EBF1: variants seen among roughly 807,000 people sequenced by gnomAD.
EBF1 encodes the protein EBF transcription factor 1, also known as transcription factor COE1.
In EBF1, 10 loss-of-function variants were observed where a neutral mutation model predicts 68.4. The ratio of observed to expected loss-of-function variants is 0.15; its 90% CI spans 0.09 to 0.25. EBF1 has a LOEUF of 0.25. Ranked by LOEUF, EBF1 falls within the 10% of genes least tolerant of loss-of-function variation. The pLI is 1.00. For missense variants in EBF1, 509 were observed against 794.4 expected, an observed-to-expected ratio of 0.64 and a Z score of 4.32; for synonymous variants, 298 against 299.8, an observed-to-expected ratio of 0.99 and a Z score of 0.06.
chr5:158,976,707 TGCCATGCCAAAAGCAA>T (rs1259794136), intron 6 of EBF1, among the ~76,000 whole-genome samples: 5 of 152,198 alleles, frequency 3.3e-5, no homozygotes, highest in Admixed American at 3.3e-4. Flanking sequence ...TAATTATAAT[TGCCATGCCAAAAGCAA>T]GCCAGTCAAT....
At chr5:158,804,866 TC>T (rs1781281836) in intron 8 of EBF1, among the ~76,000 whole-genome samples, 2 of 152,120 alleles carry the variant, frequency 1.3e-5, no homozygotes, top group East Asian at 3.9e-4. Context: ...TCTATGACTG[TC>T]AGTCACTCCA....
At chr5:159,015,798 A>G (rs1364027120) in intron 6 of EBF1, among the ~76,000 whole-genome samples, 2 of 152,166 alleles carry the variant, frequency 1.3e-5, no homozygotes, top group Non-Finnish European at 2.9e-5. Context: ...ACACATTTAA[A>G]CGAGTTCCAT....
chr5:158,897,688 C>G (rs1248379503), intron 6 of EBF1, among the ~76,000 whole-genome samples: 1 of 152,112 alleles, frequency 6.6e-6, no homozygotes, highest in African/African-American at 2.4e-5. Flanking sequence ...CCACAAGCAA[C>G]AGAATTTCAT....
intron 8 of EBF1, among the ~76,000 whole-genome samples, chr5:158,819,788 C>A (rs1199599537): frequency 1.3e-5 from 2 of 152,108 alleles, no homozygotes; most frequent in Non-Finnish European, 2.9e-5. Context: ...CCTCACTAGG[C>A]TAAATGGTCC....
chr5:158,804,942 G>T (rs545961936), intron 8 of EBF1, among the ~76,000 whole-genome samples: 55 of 152,218 alleles, frequency 3.6e-4, no homozygotes, highest in African/African-American at 1.2e-3. Context: ...ATTATTCATG[G>T]ATCCAATTGT....
At chr5:158,770,061 C>T (rs536768638) in intron 10 of EBF1, among the ~76,000 whole-genome samples, 26 of 152,196 alleles carry the variant, frequency 1.7e-4, no homozygotes, top group African/African-American at 6.0e-4. Flanking sequence ...GTCTTTATAA[C>T]AATTAACATA....
intron 8 of EBF1, among the ~76,000 whole-genome samples, chr5:158,801,509 T>C (rs1444552183): frequency 6.6e-6 from 1 of 152,064 alleles, no homozygotes; most frequent in Non-Finnish European, 1.5e-5. Context: ...GGACAAGCGA[T>C]AAAAATCTAA....
intron 10 of EBF1, among the ~76,000 whole-genome samples, chr5:158,741,575 TAAAA>T (rs79547768): frequency 1.5e-5 from 2 of 129,148 alleles, no homozygotes. Flanking sequence ...ACCCTGTCTT[TAAAA>T]AAAAAAAAAA....
At position 158,989,758 on chromosome 5, in the gene EBF1, C is replaced by T. The variant is rs578001573; in HGVS notation, c.554+83638G>A. Reference sequence around the variant, plus strand: ...CCATTCATTCATGTGTTCATTCATTCAAGACATATTAATTTATTATAACAG... The same window carrying T: ...CCATTCATTCATGTGTTCATTCATTTAAGACATATTAATTTATTATAACAG... On this transcript the variant is annotated intron_variant, in intron 6 of 15. Coordinates refer to ENST00000313708, the MANE Select transcript of EBF1 (RefSeq NM_024007.5). Among the ~76,000 whole-genome samples, 9 of 152,268 alleles carry T rather than the reference C, an allele frequency of 5.9e-5. No individual in the cohort carries two copies. In the South Asian group the frequency reaches 1.9e-3, roughly 32 times the overall value.
intron 4 of EBF1, among the ~76,000 whole-genome samples, chr5:159,092,617 T>C (rs1204728648): frequency 1.3e-5 from 2 of 152,202 alleles, no homozygotes; most frequent in African/African-American, 4.8e-5. Context: ...TTTATGGAAA[T>C]GTAGAATGCA....
chr5:158,985,607 T>C (rs935567229), intron 6 of EBF1, among the ~76,000 whole-genome samples: 4 of 152,262 alleles, frequency 2.6e-5, no homozygotes, highest in Non-Finnish European at 5.9e-5. Context: ...CTGCATCTAC[T>C]TTTTTGTTTG....
intron 6 of EBF1, among the ~76,000 whole-genome samples, chr5:159,022,314 C>T (rs1263057254): frequency 2.0e-5 from 3 of 152,182 alleles, no homozygotes; most frequent in East Asian, 1.9e-4. Context: ...GCTACCCGGC[C>T]GCCTGTGTCT....
intron 8 of EBF1, among the ~76,000 whole-genome samples, chr5:158,818,483 T>C (rs1011006413): frequency 6.6e-6 from 1 of 152,288 alleles, no homozygotes. Flanking sequence ...AATGTGACAC[T>C]GCAACCAAAA....
At chr5:158,774,140 G>C (rs985439227) in intron 10 of EBF1, among the ~76,000 whole-genome samples, 1 of 152,142 alleles carries the variant, frequency 6.6e-6, no homozygotes, top group Non-Finnish European at 1.5e-5. Flanking sequence ...CTGTGACTCT[G>C]ATTGGACAAA....
intron 6 of EBF1, among the ~76,000 whole-genome samples, chr5:158,872,233 G>C: frequency 6.7e-6 from 1 of 149,624 alleles, no homozygotes; most frequent in Non-Finnish European, 1.5e-5. Flanking sequence ...GCCTCATTGT[G>C]TCACCCAGGC....
At chr5:158,877,703 C>G (rs185533441) in intron 6 of EBF1, among the ~76,000 whole-genome samples, 3,215 of 151,708 alleles carry the variant, frequency 0.021, 121 homozygotes, top group African/African-American at 0.074. Context: ...TACAAACGCA[C>G]ACACACACAC....
chr5:158,883,376 GTATA>G (rs753786053), intron 6 of EBF1, among the ~76,000 whole-genome samples: 4 of 148,572 alleles, frequency 2.7e-5, no homozygotes, highest in Non-Finnish European at 4.4e-5. Context: ...ATACATACAT[GTATA>G]TATATACATA....
In EBF1 at chr5:158,696,218, A is replaced by AT. The variant is rs1755734777; in HGVS notation, c.*2892dup. ...CCCCCAACACTGAAATCTTAATTTA[A>AT]TTCTTCATTTCATTTTCTTCTTAAA... On this transcript the variant is annotated 3_prime_UTR_variant, in exon 16 of 16. Coordinates refer to ENST00000313708, the MANE Select transcript of EBF1 (RefSeq NM_024007.5). The AT allele has an allele frequency of 4.6e-6, 1 of 218,578 alleles. No homozygotes were observed. Among genetic ancestry groups the AT allele is most frequent in the Non-Finnish European group, 9.2e-6 (1 of 108,836 alleles). 13.5% of individuals were successfully genotyped at this position (218,578 alleles called of 1,614,324 possible).
At chr5:158,825,739 A>G (rs1017747557) in intron 7 of EBF1, among the ~76,000 whole-genome samples, 2 of 152,168 alleles carry the variant, frequency 1.3e-5, no homozygotes, top group Non-Finnish European at 1.5e-5. Context: ...AAAATTGGAA[A>G]AAAGATAATA....
Sources: gnomAD v4.1 joint callset for allele counts (sites outside exome capture counted in the v4.1 genomes callset) on GRCh38, gnomAD v4.1.1 for gene constraint, MANE v1.5 for transcripts, NCBI Gene and HGNC (gene_info 2026-07-23, HGNC 2026-07-21) for gene names.